CDC14B: variants seen among roughly 807,000 people sequenced by gnomAD.
CDC14B encodes the protein cell division cycle 14B.
In CDC14B, 22 loss-of-function variants were observed where a neutral mutation model predicts 64.2. The ratio of observed to expected loss-of-function variants is 0.34; its 90% CI spans 0.24 to 0.49. The LOEUF (loss-of-function observed/expected upper bound fraction) is 0.49. Among genes scored for constraint, CDC14B ranks in the 20% least tolerant of loss-of-function variants. CDC14B has a pLI of 0.99. For missense variants in CDC14B, 498 were observed against 629.9 expected (o/e 0.79, Z 2.24); for synonymous variants, 191 against 215.8 (o/e 0.89, Z 1.01).
At chr9:96,581,263 C>A (rs1372785686) in intron 1 of CDC14B, among the ~76,000 whole-genome samples, 1 of 150,920 alleles carries the variant, frequency 6.6e-6, no homozygotes, top group East Asian at 1.9e-4. Context: ...AGATTTGTAT[C>A]CAATGAAGCA....
chr9:96,498,274 A>G (rs1171330590), downstream of CDC14B, among the ~76,000 whole-genome samples: 18 of 152,202 alleles, frequency 1.2e-4, no homozygotes, highest in Non-Finnish European at 2.6e-4. Flanking sequence ...CTTCTGTTAA[A>G]CCAAACGCTA....
intron 4 of CDC14B, among the ~76,000 whole-genome samples, chr9:96,558,484 AACAT>A (rs1036977224): frequency 3.9e-5 from 6 of 152,248 alleles, no homozygotes; most frequent in Non-Finnish European, 8.8e-5. Flanking sequence ...ATACGTACAC[AACAT>A]ACATCTGTGC....
intron 12 of CDC14B, among the ~76,000 whole-genome samples, chr9:96,519,536 G>C (rs951261890): frequency 6.6e-6 from 1 of 151,980 alleles, no homozygotes; most frequent in Admixed American, 6.6e-5. Flanking sequence ...AGGATTTCGA[G>C]ACCAGCCTGG....
At chr9:96,612,557 G>C (rs539749689) in intron 1 of CDC14B, among the ~76,000 whole-genome samples, 24 of 152,362 alleles carry the variant, frequency 1.6e-4, no homozygotes, top group African/African-American at 4.8e-5. Flanking sequence ...GCAGAGACTA[G>C]GTTTCCCCAG....
At chr9:96,509,597 C>T (rs774947108) in intron 13 of CDC14B, 76 bp downstream of exon 13, 22 of 854,148 alleles carry the variant, frequency 2.6e-5, no homozygotes, top group Non-Finnish European at 4.2e-5. Context: ...ATGTCAGTCT[C>T]CAGAGGTAGG....
At chr9:96,522,650 T>C (rs751894568) in intron 11 of CDC14B, 47 bp from the exon 12 acceptor site, 1 of 1,194,570 alleles carries the variant, frequency 8.4e-7, no homozygotes, top group African/African-American at 1.5e-5. Context: ...GTTGCACTTA[T>C]TAATGCAGTA....
At chr9:96,587,063 C>G (rs1845489173) in intron 1 of CDC14B, among the ~76,000 whole-genome samples, 1 of 152,034 alleles carries the variant, frequency 6.6e-6, no homozygotes, top group Non-Finnish European at 1.5e-5. Flanking sequence ...ATTCCAGCTA[C>G]TCAGGAGGCT....
chr9:96,591,117 A>G (rs1845768905), intron 1 of CDC14B, among the ~76,000 whole-genome samples: 1 of 152,150 alleles, frequency 6.6e-6, no homozygotes, highest in African/African-American at 2.4e-5. Flanking sequence ...ATGTAATCCC[A>G]CTTGTCTATT....
chr9:96,514,983 C>T (rs1835434301), intron 12 of CDC14B: 3 of 957,956 alleles, frequency 3.1e-6, no homozygotes, highest in African/African-American at 3.5e-5. Flanking sequence ...CAATGACCAT[C>T]ATATGGAAAT....
chr9:96,593,773 C>T (rs1197513558), intron 1 of CDC14B, among the ~76,000 whole-genome samples: 1 of 151,978 alleles, frequency 6.6e-6, no homozygotes, highest in Non-Finnish European at 1.5e-5. Flanking sequence ...TGCTGGCATC[C>T]AACAGACATA....
rs903835392 is a variant in CDC14B at position 96,527,404 on chromosome 9, CA to C, written c.947-3680del. On this transcript the variant is annotated intron_variant, in intron 9 of 13. Coordinates refer to ENST00000375241, the MANE Select transcript of CDC14B (RefSeq NM_033331.4). ...ACAGAGCAAGACTCCGTCTCAAAAA[CA>C]AAAACAAAAAAATTCTGTATTGGTT... Among the ~76,000 whole-genome samples the C allele has an allele frequency of 2.0e-5, 3 of 151,666 alleles. No individual in the cohort carries two copies. In the East Asian group the frequency reaches 5.8e-4, roughly 29 times the overall value.
At chr9:96,525,314 AAAGT>A (rs2131583663) in intron 9 of CDC14B, among the ~76,000 whole-genome samples, 1 of 152,190 alleles carries the variant, frequency 6.6e-6, no homozygotes, top group East Asian at 1.9e-4. Context: ...GGAATAAAAT[AAAGT>A]AAGGCTTTTG....
At chr9:96,591,002 A>G (rs1360148714) in intron 1 of CDC14B, among the ~76,000 whole-genome samples, 1 of 152,174 alleles carries the variant, frequency 6.6e-6, no homozygotes, top group Non-Finnish European at 1.5e-5. Flanking sequence ...TATTGTATAT[A>G]TTAGCCCCTT....
At chr9:96,514,671 G>A (rs539177758) in intron 12 of CDC14B, 86 of 985,458 alleles carry the variant, frequency 8.7e-5, no homozygotes, top group Admixed American at 3.7e-4. Flanking sequence ...CCAAGTCCAA[G>A]AGGAGACAAG....
At position 96,523,416 on chromosome 9, in the gene CDC14B, G is replaced by T. The variant is rs1837057939; in HGVS notation, c.1090C>A (p.Gln364Lys). The T allele has an allele frequency of 1.2e-6, 2 of 1,613,328 alleles. No homozygotes were observed. The highest frequency in any genetic ancestry group is 1.7e-6 in the Non-Finnish European group (2 of 1,179,734). The part of the protein sequence containing the change: ...GPQQQFLVMK[Q>K]TNLWLEGDYF... Reference sequence around the variant, plus strand: ...TCCCCTTCCAGCCAGAGGTTGGTTTGCTTCCTAGAGCATTTAAATAACATC... The same window carrying T: ...TCCCCTTCCAGCCAGAGGTTGGTTTTCTTCCTAGAGCATTTAAATAACATC... Residue 364 changes from glutamine to lysine, a missense_variant, in exon 11 of 14, where the codon CAA (glutamine) becomes AAA (lysine). Physicochemically the swap from Gln to Lys is moderately conservative, Grantham distance 53 (BLOSUM62 1). Transcript: ENST00000375241.
chr9:96,555,528 G>A (rs1163453147), intron 4 of CDC14B, among the ~76,000 whole-genome samples: 1 of 152,180 alleles, frequency 6.6e-6, no homozygotes, highest in Non-Finnish European at 1.5e-5. Context: ...TGTTGTTTTA[G>A]GTCACAAAGT....
chr9:96,554,541 AT>A (rs1204260292), intron 4 of CDC14B, among the ~76,000 whole-genome samples: 4 of 152,120 alleles, frequency 2.6e-5, no homozygotes, highest in Admixed American at 6.5e-5. Context: ...ACAATGTAAC[AT>A]TTTTTTCCTA....
chr9:96,565,307 A>C, intron 2 of CDC14B, 86 bp downstream of exon 2: 1 of 779,852 alleles, frequency 1.3e-6, no homozygotes, highest in Non-Finnish European at 2.1e-6. Flanking sequence ...ATAGATTTAT[A>C]ATTTTCCCAG....
rs528114882 is a variant in CDC14B, at chr9:96,566,099, G to A, written c.161-616C>T. ...GGTTTCTGCATGATGGGTCTGAGATGAACTTGTGTTGCATAAATGCAGTTA... is the reference window on the plus strand; with the variant it reads ...GGTTTCTGCATGATGGGTCTGAGATAAACTTGTGTTGCATAAATGCAGTTA... On this transcript the variant is annotated intron_variant, in intron 1 of 13. Coordinates refer to ENST00000375241, the MANE Select transcript of CDC14B (RefSeq NM_033331.4). Among the ~76,000 whole-genome samples, 19 of 152,272 alleles carry A rather than the reference G, an allele frequency of 1.2e-4. No individual in the cohort carries two copies. In the South Asian group the frequency reaches 3.7e-3, roughly 30 times the overall value.
Sources: allele counts gnomAD v4.1 joint callset (sites outside exome capture counted in the v4.1 genomes callset), GRCh38; gene constraint gnomAD v4.1.1; transcripts MANE v1.5; gene names NCBI Gene and HGNC (gene_info 2026-07-23, HGNC 2026-07-21).